HLA-DRB1: variants seen among roughly 807,000 people sequenced by gnomAD.
HLA-DRB1 encodes the protein major histocompatibility complex, class II, DR beta 1.
HLA-DRB1 carries 10 observed loss-of-function variants against 27.9 expected under a neutral mutation model. The ratio of observed to expected loss-of-function variants is 0.36; its 90% CI spans 0.22 to 0.61. The LOEUF is 0.61. Among genes scored for constraint, HLA-DRB1 ranks in the 20% least tolerant of loss-of-function variants. HLA-DRB1 has a pLI of 0.73. For synonymous variants in HLA-DRB1, 57 were observed against 126.7 expected (o/e 0.45, Z 3.69); for missense variants, 118 against 306.3 (o/e 0.39, Z 4.59).
intron 2 of HLA-DRB1, among the ~76,000 whole-genome samples, chr6:32,583,818 C>T (rs34080378): frequency 0.013 from 669 of 53,106 alleles, 9 homozygotes; most frequent in Middle Eastern, 0.03. Context: ...TTGTCACCTC[C>T]CCACAGAGGT....
In HLA-DRB1 at chr6:32,584,358, T is replaced by A. The variant is rs766505678; in HGVS notation, c.121A>T (p.Lys41Ter). The A allele has an allele frequency of 5.5e-5, 42 of 760,678 alleles. No individual in the cohort carries two copies. Among genetic ancestry groups the A allele is most frequent in the East Asian group, 7.5e-5 (2 of 26,738 alleles). 47.1% of individuals were successfully genotyped at this position (760,678 alleles called of 1,614,324 possible). A position where few individuals can be genotyped will look rare whatever the true frequency, so the allele number is the denominator to read the frequency against. The stretch of plus-strand genomic sequence containing the variant: ...CCATTGAAGAAATGACACTCCCTCT[T>A]AGGCTGCCACAGGAAACGTGCTGTG... The change falls in exon 2 of 6, where the codon AAG becomes TAG. Residue 41 changes from lysine (K) to a stop codon, truncating the protein, a stop_gained. Transcript: ENST00000360004. LOFTEE classifies it high-confidence loss of function.
At chr6:32,582,381 C>T (rs1298064917) in intron 2 of HLA-DRB1, among the ~76,000 whole-genome samples, 1 of 124,056 alleles carries the variant, frequency 8.1e-6, no homozygotes, top group African/African-American at 3.3e-5. Flanking sequence ...GCACTCATCA[C>T]ACTTGAGTGC....
At chr6:32,584,446 T>A (rs149614319) in intron 1 of HLA-DRB1, 68 bp from the exon 2 acceptor site, 62,718 of 636,224 alleles carry the variant, frequency 0.099, 8,200 homozygotes, top group Admixed American at 0.19. Context: ...GACGCCACCA[T>A]CCGGGGCTCC....
intron 1 of HLA-DRB1, among the ~76,000 whole-genome samples, chr6:32,588,878 T>C (rs1160558910): frequency 2.1e-5 from 2 of 95,076 alleles, no homozygotes; most frequent in Non-Finnish European, 4.2e-5. Context: ...GAGAAACAAG[T>C]ACAGAAAGGT....
chr6:32,585,781 C>A (rs796255397), intron 1 of HLA-DRB1, among the ~76,000 whole-genome samples: 877 of 120,562 alleles, frequency 7.3e-3, no homozygotes, highest in South Asian at 0.014. Context: ...CAGATTTAAA[C>A]TGCAATCTGA....
At chr6:32,587,464 T>C (rs35660008) in intron 1 of HLA-DRB1, among the ~76,000 whole-genome samples, 1 of 42,508 alleles carries the variant, frequency 2.4e-5, no homozygotes, top group Non-Finnish European at 4.9e-5. Flanking sequence ...CCTATAATGA[T>C]GAGGCTCCTG....
At chr6:32,581,146 C>G (rs1357364747) in intron 3 of HLA-DRB1, among the ~76,000 whole-genome samples, 2 of 79,776 alleles carry the variant, frequency 2.5e-5, no homozygotes, top group Admixed American at 1.6e-4. Flanking sequence ...AGTGACAAAG[C>G]TAATAAAAAG....
chr6:32,589,427 ATGAT>A, intron 1 of HLA-DRB1, among the ~76,000 whole-genome samples: 1 of 89,048 alleles, frequency 1.1e-5, no homozygotes, highest in African/African-American at 4.8e-5. Flanking sequence ...TTGAAAAGAA[ATGAT>A]TTGTGCAAAG....
intron 2 of HLA-DRB1, among the ~76,000 whole-genome samples, chr6:32,583,605 A>T (rs9269911): frequency 0.44 from 21,944 of 50,386 alleles, 9,507 homozygotes; most frequent in Admixed American, 0.49. Flanking sequence ...CACACTTTTA[A>T]TTCAGAGATT....
intron 1 of HLA-DRB1, among the ~76,000 whole-genome samples, chr6:32,588,043 C>A (rs35464137): frequency 8.6e-6 from 1 of 116,418 alleles, no homozygotes; most frequent in Non-Finnish European, 2.0e-5. Flanking sequence ...CACACTAGAC[C>A]CCTTCTCCTC....
exon 6 of HLA-DRB1, chr6:32,578,901 G>GCT: frequency 2.1e-6 from 1 of 482,332 alleles, no homozygotes; most frequent in East Asian, 4.7e-5. Flanking sequence ...TGCCATCAAT[G>GCT]CTGGGACTTC....
intron 2 of HLA-DRB1, among the ~76,000 whole-genome samples, chr6:32,582,799 G>A (rs41283757): frequency 0.41 from 44,803 of 109,208 alleles, 10,861 homozygotes; most frequent in Middle Eastern, 0.57. Context: ...CAGTGTCTGG[G>A]ACTCGTTACT....
chr6:32,588,211 G>A (rs34757742), intron 1 of HLA-DRB1, among the ~76,000 whole-genome samples: 2,236 of 132,966 alleles, frequency 0.017, no homozygotes, highest in Admixed American at 0.034. Flanking sequence ...ATCCTAGCAT[G>A]TTGGGAGGCC....
rs34309116 is a variant in HLA-DRB1, at chr6:32,587,193, T to C, written c.100+2450A>G. Reference sequence around the variant, plus strand: ...GTCAGGAGATCGAGACCATCCTGGCTAACACGGTGAAACCCTATCCCTACT... The same window carrying C: ...GTCAGGAGATCGAGACCATCCTGGCCAACACGGTGAAACCCTATCCCTACT... On this transcript the variant is annotated intron_variant, in intron 1 of 5. Transcript: ENST00000360004. 5.8e-5 allele frequency among the ~76,000 whole-genome samples: 3 copies of C among 51,392 alleles called. 1 individual carries two copies. The allele number at this position is 51,392 out of a possible 152,430, so 33.7% of individuals were successfully genotyped here. A position where few individuals can be genotyped will look rare whatever the true frequency, so the allele number is the denominator to read the frequency against.
chr6:32,585,584 A>G (rs1370385527), intron 1 of HLA-DRB1, among the ~76,000 whole-genome samples: 72 of 131,068 alleles, frequency 5.5e-4, no homozygotes, highest in Admixed American at 1.1e-3. Flanking sequence ...GTATTCCTTA[A>G]TTCTAAAGCA....
At chr6:32,584,256 C>G in exon 2 of HLA-DRB1, 1 of 1,520,448 alleles carries the variant, frequency 6.6e-7, no homozygotes, top group Non-Finnish European at 9.0e-7. Context: ...GCCCGGAACT[C>G]CCCCACGTCG....
intron 1 of HLA-DRB1, among the ~76,000 whole-genome samples, chr6:32,584,645 A>G (rs147863572): frequency 0.085 from 10,904 of 127,802 alleles, 3 homozygotes; most frequent in Admixed American, 0.13. Flanking sequence ...GAGACCTCCA[A>G]GCAGGAGCTG....
intron 1 of HLA-DRB1, among the ~76,000 whole-genome samples, chr6:32,584,688 C>T (rs796516603): frequency 4.4e-4 from 50 of 113,364 alleles, no homozygotes; most frequent in African/African-American, 5.5e-4. Flanking sequence ...CAGCCCGCGC[C>T]GCCTCCTCCT....
intron 1 of HLA-DRB1, among the ~76,000 whole-genome samples, chr6:32,585,558 G>A (rs200181846): frequency 0.22 from 28,813 of 133,196 alleles, 3,527 homozygotes; most frequent in Middle Eastern, 0.41. Flanking sequence ...TATAACTGCA[G>A]CTCATATTAT....
Sources: gnomAD v4.1 joint callset for allele counts (sites outside exome capture counted in the v4.1 genomes callset) on GRCh38, gnomAD v4.1.1 for gene constraint, MANE v1.5 for transcripts, NCBI Gene and HGNC (gene_info 2026-07-23, HGNC 2026-07-21) for gene names.